Variants in ANO1 observed in about 807,000 individuals in gnomAD.
ANO1 encodes anoctamin 1.
Under a neutral mutation model 124.0 loss-of-function variants are expected in ANO1, and 59 were observed. That is an observed-to-expected ratio of 0.48 (90% CI 0.39 to 0.59). The LOEUF (loss-of-function observed/expected upper bound fraction) is 0.59. Among genes scored for constraint, ANO1 ranks in the 20% least tolerant of loss-of-function variants. The probability of loss-of-function intolerance (pLI) is 0.00; values close to 1 mark genes in which losing one functional copy is unlikely to be tolerated. For missense variants in ANO1, 1,059 were observed against 1,328.0 expected, an observed-to-expected ratio of 0.80 and a Z score of 3.15; for synonymous variants, 529 against 532.0, an observed-to-expected ratio of 0.99 and a Z score of 0.08.
At chr11:70,066,034 C>T (rs1045428753) in intron 1 of ANO1, among the ~76,000 whole-genome samples, 2 of 152,236 alleles carry the variant, frequency 1.3e-5, no homozygotes, top group Non-Finnish European at 2.9e-5. Context: ...CTCTGCCTCC[C>T]CGCTGGAAGG....
intron 1 of ANO1, among the ~76,000 whole-genome samples, chr11:70,038,084 GTTC>G (rs1177205503): frequency 6.6e-6 from 1 of 152,148 alleles, no homozygotes; most frequent in African/African-American, 2.4e-5. Flanking sequence ...GAATGGAGAA[GTTC>G]TTCTTCAAAG....
At chr11:69,986,380 T>TG (rs1268804251) in intron 1 of ANO1, among the ~76,000 whole-genome samples, 1 of 147,446 alleles carries the variant, frequency 6.8e-6, no homozygotes, top group Non-Finnish European at 1.5e-5. Context: ...CACAGGTCGC[T>TG]GGGGCACTGA....
rs79342153 is a variant in ANO1, at chr11:70,010,168, C to A, written c.58+24002C>A. On this transcript the variant is annotated intron_variant, in intron 1 of 27. Coordinates refer to the ANO1 transcript ENST00000531349. ...GTGTGTGTGTGTGTGTGTGTGTGCG[C>A]GTGTGTGTGTGTATATATATATATA... 1.7e-4 allele frequency among the ~76,000 whole-genome samples: 12 copies of A among 70,320 alleles called. 1 individual carries two copies. The highest frequency in any genetic ancestry group is 6.5e-4 in the East Asian group (1 of 1,532). The allele number at this position is 70,320 out of a possible 152,430, so 46.1% of individuals were successfully genotyped here. A position where few individuals can be genotyped will look rare whatever the true frequency, so the allele number is the denominator to read the frequency against.
intron 1 of ANO1, among the ~76,000 whole-genome samples, chr11:69,991,855 T>A (rs1856162275): frequency 6.6e-6 from 1 of 152,208 alleles, no homozygotes; most frequent in Admixed American, 6.5e-5. Flanking sequence ...TGATCTGTGT[T>A]GTAGAAGGGT....
Position 70,045,268 on chromosome 11 carries a change from A to G in ANO1, c.59-33274A>G, listed in dbSNP as rs185023799. Among the ~76,000 whole-genome samples the G allele has an allele frequency of 3.8e-3, 586 of 152,352 alleles. 3 individuals are homozygous for G. Among genetic ancestry groups the G allele is most frequent in the Middle Eastern group, 0.017 (5 of 294 alleles). On this transcript the variant is annotated intron_variant, in intron 1 of 27. Transcript: ENST00000531349. Reference sequence around the variant, plus strand: ...TAAAGAGTTACCAAAAACATACGTGACATACACATTTTTAAAAATCCAATA... The same window carrying G: ...TAAAGAGTTACCAAAAACATACGTGGCATACACATTTTTAAAAATCCAATA...
intron 8 of ANO1, among the ~76,000 whole-genome samples, chr11:70,119,587 G>A (rs1203773295): frequency 6.6e-6 from 1 of 151,326 alleles, no homozygotes; most frequent in East Asian, 2.0e-4. Flanking sequence ...GTAGATGGGT[G>A]GCTGATGGAA....
intron 1 of ANO1, among the ~76,000 whole-genome samples, chr11:70,034,838 A>G (rs1326651920): frequency 1.3e-5 from 2 of 152,172 alleles, no homozygotes; most frequent in Non-Finnish European, 2.9e-5. Context: ...AGAACATTTG[A>G]ACACACAGGG....
At chr11:70,171,109 C>A in intron 22 of ANO1, 70 bp downstream of exon 22, 2 of 1,540,692 alleles carry the variant, frequency 1.3e-6, no homozygotes, top group Admixed American at 1.9e-5. Context: ...GGTTGCTCCT[C>A]TCCAGAAGCT....
At chr11:70,105,625 T>C in intron 4 of ANO1, 109 bp from the exon 5 acceptor site, 1 of 1,044,968 alleles carries the variant, frequency 9.6e-7, no homozygotes, top group South Asian at 1.3e-5. Context: ...GTTCTGTCCA[T>C]TTCACGGTCA....
At chr11:70,018,039 C>T (rs1555002210) in intron 1 of ANO1, among the ~76,000 whole-genome samples, 1 of 151,990 alleles carries the variant, frequency 6.6e-6, no homozygotes, top group African/African-American at 2.4e-5. Flanking sequence ...CAGTCCAAAA[C>T]AAAAATGCAG....
chr11:70,134,356 G>A (rs1406213881), intron 11 of ANO1, among the ~76,000 whole-genome samples: 8 of 152,296 alleles, frequency 5.3e-5, no homozygotes, highest in Non-Finnish European at 7.4e-5. Context: ...GTTCAGTGCC[G>A]CCTGCTGTGG....
chr11:70,114,792 G>C (rs1305804101), intron 7 of ANO1, among the ~76,000 whole-genome samples: 1 of 152,138 alleles, frequency 6.6e-6, no homozygotes, highest in African/African-American at 2.4e-5. Flanking sequence ...CCAGCTACTA[G>C]GGAGGCTGAG....
At chr11:70,157,557 C>T (rs771253894) in intron 16 of ANO1, among the ~76,000 whole-genome samples, 12 of 152,002 alleles carry the variant, frequency 7.9e-5, no homozygotes, top group Non-Finnish European at 1.3e-4. Flanking sequence ...GGGCTTCACA[C>T]GCCAGGGAGT....
At position 70,104,118 on chromosome 11, in the gene ANO1, C is replaced by G; in HGVS notation, c.660C>G (p.Leu220=). ...ACAGGCCCCAGACCATGAAGAGACT[C>G]TCCTATCCCTTCTCCCGGGAGAAGC... ...AEHRPQTMKR[L]SYPFSREKQH... Residue 220 remains leucine (L), a synonymous_variant, in exon 4 of 26, where the codon CTC becomes CTG. Coordinates refer to ENST00000355303, the MANE Select transcript of ANO1 (RefSeq NM_018043.7). 6.2e-7 allele frequency: 1 copy of G among 1,613,080 alleles called. No individual in the cohort carries two copies. Among genetic ancestry groups the G allele is most frequent in the Non-Finnish European group, 8.5e-7 (1 of 1,179,632 alleles).
At chr11:70,092,657 G>A (rs1161659083) in intron 2 of ANO1, among the ~76,000 whole-genome samples, 9 of 152,164 alleles carry the variant, frequency 5.9e-5, no homozygotes, top group African/African-American at 2.2e-4. Context: ...GATGTGAGGA[G>A]TGTGGGAAGG....
chr11:70,125,712 C>T (rs1191786992), intron 9 of ANO1, among the ~76,000 whole-genome samples: 2 of 150,238 alleles, frequency 1.3e-5, no homozygotes, highest in African/African-American at 2.5e-5. Context: ...GGCGTGGTGG[C>T]GGGCTCCTGT....
At chr11:70,168,490 C>T (rs1433660311) in intron 21 of ANO1, among the ~76,000 whole-genome samples, 2 of 152,110 alleles carry the variant, frequency 1.3e-5, no homozygotes, top group African/African-American at 4.8e-5. Context: ...TTCTGTCTCC[C>T]CCCGGTAGGA....
intron 6 of ANO1, among the ~76,000 whole-genome samples, chr11:70,110,258 C>G (rs1218891640): frequency 6.9e-6 from 1 of 144,776 alleles, no homozygotes; most frequent in African/African-American, 2.5e-5. Context: ...ACAATCTCAA[C>G]TCACTGCAAC....
intron 21 of ANO1, among the ~76,000 whole-genome samples, chr11:70,167,938 T>C (rs2048319576): frequency 6.6e-6 from 1 of 152,112 alleles, no homozygotes; most frequent in African/African-American, 2.4e-5. Context: ...GGTGGTGAGC[T>C]CCTGAGTTGC....
Sources: gnomAD v4.1 joint callset for allele counts (sites outside exome capture counted in the v4.1 genomes callset) on GRCh38, gnomAD v4.1.1 for gene constraint, MANE v1.5 for transcripts, NCBI Gene and HGNC (gene_info 2026-07-23, HGNC 2026-07-21) for gene names.